Variants in SRGAP3 observed in about 807,000 individuals in gnomAD.
The protein encoded by SRGAP3 is SLIT-ROBO Rho GTPase activating protein 3.
SRGAP3 carries 39 observed loss-of-function variants against 121.1 expected under a neutral mutation model. The ratio of observed to expected loss-of-function variants is 0.32; its 90% CI spans 0.25 to 0.42. The LOEUF is 0.42. SRGAP3 is among the 10% of genes least tolerant of loss of function. The pLI, the probability that SRGAP3 is intolerant of heterozygous loss-of-function variation, is 1.00. For synonymous variants in SRGAP3, 601 were observed against 570.0 expected (o/e 1.05, Z -0.77); for missense variants, 1,213 against 1,470.6 (o/e 0.82, Z 2.86).
chr3:9,140,607 C>T (rs1251764084), intron 1 of SRGAP3, among the ~76,000 whole-genome samples: 1 of 152,202 alleles, frequency 6.6e-6, no homozygotes, highest in Non-Finnish European at 1.5e-5. Context: ...GCCATATCAT[C>T]TCTATTACAA....
At chr3:9,194,226 T>C (rs1438084342) in intron 1 of SRGAP3, 2 of 152,126 alleles carry the variant, frequency 1.3e-5, no homozygotes, top group African/African-American at 2.4e-5. Flanking sequence ...AATAGGGTAA[T>C]ATGGAAAATA....
chr3:9,280,973 G>T (rs562046558), intron 3 of SRGAP3, among the ~76,000 whole-genome samples: 9 of 152,234 alleles, frequency 5.9e-5, no homozygotes, highest in Admixed American at 1.3e-4. Context: ...GAATTGTTGG[G>T]GGTGGTGGGA....
chr3:9,042,789 C>T (rs1329836237), intron 10 of SRGAP3, among the ~76,000 whole-genome samples: 4 of 152,210 alleles, frequency 2.6e-5, no homozygotes, highest in Non-Finnish European at 5.9e-5. Flanking sequence ...AGGCGATGGC[C>T]TGGGATTGTA....
intron 1 of SRGAP3, among the ~76,000 whole-genome samples, chr3:9,205,457 T>C (rs1012442486): frequency 6.6e-6 from 1 of 152,236 alleles, no homozygotes; most frequent in African/African-American, 2.4e-5. Context: ...ATGGTACAAC[T>C]ATCACGTTTA....
chr3:9,221,860 T>C (rs1361908959), intron 1 of SRGAP3, among the ~76,000 whole-genome samples: 2 of 152,248 alleles, frequency 1.3e-5, no homozygotes, highest in African/African-American at 4.8e-5. Flanking sequence ...ACTTAGCACA[T>C]GTGACATTGT....
chr3:9,179,208 C>T (rs567744620), intron 1 of SRGAP3, among the ~76,000 whole-genome samples: 2 of 152,332 alleles, frequency 1.3e-5, no homozygotes, highest in African/African-American at 4.8e-5. Flanking sequence ...CCCCTTCCTA[C>T]TGCCTTGTGT....
At chr3:9,188,214 T>C (rs1951656576) in intron 1 of SRGAP3, among the ~76,000 whole-genome samples, 1 of 152,116 alleles carries the variant, frequency 6.6e-6, no homozygotes. Context: ...CCAAAATTAA[T>C]AGCACGGATA....
intron 14 of SRGAP3, among the ~76,000 whole-genome samples, chr3:9,024,883 T>G (rs1475233113): frequency 6.6e-6 from 1 of 152,236 alleles, no homozygotes; most frequent in Admixed American, 6.5e-5. Flanking sequence ...CAGCAACCAC[T>G]GTGCAGTCCC....
intron 1 of SRGAP3, among the ~76,000 whole-genome samples, chr3:9,356,299 C>T (rs2030503573): frequency 6.7e-6 from 1 of 148,368 alleles, no homozygotes; most frequent in East Asian, 2.0e-4. Flanking sequence ...TCAAGCAATC[C>T]TCCCACCTCA....
At chr3:9,213,113 C>T (rs544512560) in intron 1 of SRGAP3, among the ~76,000 whole-genome samples, 8 of 152,316 alleles carry the variant, frequency 5.3e-5, no homozygotes, top group Non-Finnish European at 1.2e-4. Context: ...CATAGCCACA[C>T]GGGTAGCCCT....
At chr3:9,266,715 G>T (rs1559251462) in intron 3 of SRGAP3, among the ~76,000 whole-genome samples, 1 of 151,960 alleles carries the variant, frequency 6.6e-6, no homozygotes, top group African/African-American at 2.4e-5. Context: ...AACACCAGGT[G>T]CCAGGGCAGC....
chr3:9,159,659 TA>T (rs1392801840), intron 1 of SRGAP3, among the ~76,000 whole-genome samples: 2 of 152,110 alleles, frequency 1.3e-5, no homozygotes, highest in African/African-American at 4.8e-5. Context: ...GATCCTAAAA[TA>T]AAAGTTAAAA....
intron 1 of SRGAP3, among the ~76,000 whole-genome samples, chr3:9,207,571 C>T (rs1284450682): frequency 2.6e-5 from 4 of 152,096 alleles, no homozygotes; most frequent in African/African-American, 7.2e-5. Context: ...TTTCAAAACC[C>T]GCGGGAGGGA....
intron 1 of SRGAP3, among the ~76,000 whole-genome samples, chr3:9,350,317 GGAAGGT>G (rs1172494267): frequency 6.6e-6 from 1 of 152,170 alleles, no homozygotes; most frequent in East Asian, 1.9e-4. Context: ...ATTTCAGTAG[GGAAGGT>G]CTTATTTAAT....
intron 1 of SRGAP3, among the ~76,000 whole-genome samples, chr3:9,131,469 C>T (rs1489876579): frequency 1.6e-5 from 2 of 121,704 alleles, no homozygotes; most frequent in Admixed American, 1.1e-4. Flanking sequence ...GATGGAGTCT[C>T]ACTCTGTCAC....
intron 9 of SRGAP3, among the ~76,000 whole-genome samples, chr3:9,052,323 T>C (rs1945617429): frequency 6.6e-6 from 1 of 152,096 alleles, no homozygotes; most frequent in Admixed American, 6.5e-5. Context: ...AACATGGTAA[T>C]ACCAAAAGCC....
chr3:9,291,560 T>A (rs556014592), intron 3 of SRGAP3, among the ~76,000 whole-genome samples: 4 of 151,454 alleles, frequency 2.6e-5, no homozygotes, highest in African/African-American at 9.7e-5. Context: ...AAACAATCAA[T>A]AAGCAAGGAC....
At chr3:9,216,364 G>A (rs146209177) in intron 1 of SRGAP3, among the ~76,000 whole-genome samples, 60 of 152,266 alleles carry the variant, frequency 3.9e-4, no homozygotes, top group African/African-American at 1.4e-3. Flanking sequence ...AGGGGTCAAG[G>A]TACTAAGCAT....
chr3:9,235,051 C>T (rs1281163732), intron 1 of SRGAP3, among the ~76,000 whole-genome samples: 1 of 152,290 alleles, frequency 6.6e-6, no homozygotes, highest in East Asian at 1.9e-4. Flanking sequence ...CCCAGTTTTA[C>T]CCAAATCACA....
Sources: allele counts gnomAD v4.1 joint callset (sites outside exome capture counted in the v4.1 genomes callset), GRCh38; gene constraint gnomAD v4.1.1; transcripts MANE v1.5; gene names NCBI Gene and HGNC (gene_info 2026-07-23, HGNC 2026-07-21).